Variants in OTOG observed in about 807,000 individuals in gnomAD.
OTOG encodes the protein otogelin.
OTOG carries 296 observed loss-of-function variants against 313.8 expected under a neutral mutation model. The observed-to-expected ratio is 0.94, with a 90% CI of 0.86 to 1.04. The LOEUF is 1.04. OTOG is among the 50% of genes least tolerant of loss of function. The pLI is 0.00. For missense variants in OTOG, 3,948 were observed against 3,840.1 expected (o/e 1.03, Z -0.74); for synonymous variants, 1,533 against 1,554.9 (o/e 0.99, Z 0.33).
At chr11:17,629,460 C>T (rs1854063973) in intron 40 of OTOG, 144 bp downstream of exon 40, 1 of 985,046 alleles carries the variant, frequency 1.0e-6, no homozygotes, top group African/African-American at 1.6e-5. Context: ...GCAGGGAGGC[C>T]TAACGTCTTG....
rs533032238 is a variant in OTOG, at chr11:17,563,007, G to A, written c.1644+1200G>A. On this transcript the variant is annotated intron_variant, in intron 15 of 55. Coordinates refer to ENST00000399397, the MANE Select transcript of OTOG (RefSeq NM_001292063.2). Reference sequence around the variant, plus strand: ...TGGAGGGCACAGGGTGGATCTCTACGGGGGAACTTCTTGTTGTTGTTGTTT... The same window carrying A: ...TGGAGGGCACAGGGTGGATCTCTACAGGGGAACTTCTTGTTGTTGTTGTTT... 6.6e-5 allele frequency among the ~76,000 whole-genome samples: 10 copies of A among 152,288 alleles called. No individual in the cohort carries two copies. In the South Asian group the frequency reaches 1.7e-3, roughly 25 times the overall value.
In OTOG at chr11:17,594,076, T is replaced by C. The variant is rs1157792711; in HGVS notation, c.3318T>C (p.Phe1106=). The change falls in exon 28 of 56, where the codon TTT becomes TTC. Residue 1106 remains phenylalanine, a synonymous_variant. Coordinates refer to ENST00000399397, the MANE Select transcript of OTOG (RefSeq NM_001292063.2). ...QGQLAGLCGN[F]DLKTINEMRT... ...AGCTGGCGGGCCTCTGTGGGAACTT[T>C]GACTTAAAAACCATCAATGAGATGA... 1 of 1,550,440 alleles carries C rather than the reference T, an allele frequency of 6.4e-7. No homozygotes were observed. Among genetic ancestry groups the C allele is most frequent in the Non-Finnish European group, 8.7e-7 (1 of 1,146,996 alleles).
At position 17,640,996 on chromosome 11, in the gene OTOG, T is replaced by C; in HGVS notation, c.8095T>C (p.Cys2699Arg). Residue 2699 changes from cysteine (C) to arginine (R), a missense_variant, in exon 51 of 56, where the codon TGC (cysteine) becomes CGC (arginine). Cys to Arg is a radical substitution (Grantham distance 180). Transcript: ENST00000399397. ...GGTGGAGCTCTCAGCAGATGGCGTGTGCCACACCTCCCGCTGCACCACCGT... is the reference window on the plus strand; with the variant it reads ...GGTGGAGCTCTCAGCAGATGGCGTGCGCCACACCTCCCGCTGCACCACCGT... ...TVVELSADGV[C>R]HTSRCTTVLD... 6.5e-7 allele frequency: 1 copy of C among 1,548,558 alleles called. No individual in the cohort carries two copies. Among genetic ancestry groups the C allele is most frequent in the Non-Finnish European group, 8.7e-7 (1 of 1,146,976 alleles).
In OTOG at chr11:17,633,767, C is replaced by G; in HGVS notation, c.7160C>G (p.Pro2387Arg). 1 of 1,550,520 alleles carries G rather than the reference C, an allele frequency of 6.4e-7. No homozygotes were observed. The highest frequency in any genetic ancestry group is 8.7e-7 in the Non-Finnish European group (1 of 1,146,972). The change falls in exon 43 of 56, where the codon CCT becomes CGT. Residue 2387 changes from proline (P) to arginine (R), a missense_variant. By Grantham distance (103) the Pro-to-Arg change is moderately radical. Coordinates refer to ENST00000399397, the MANE Select transcript of OTOG (RefSeq NM_001292063.2). Reference protein sequence around the residue: ...PKTCQDGILGPLDPEHCQVLG... With the variant: ...PKTCQDGILGRLDPEHCQVLG... Reference sequence around the variant, plus strand: ...ACATGCCAGGATGGGATACTAGGGCCTCTGGACCCAGAGCACTGCCAGGTG... The same window carrying G: ...ACATGCCAGGATGGGATACTAGGGCGTCTGGACCCAGAGCACTGCCAGGTG...
At chr11:17,553,344 G>A in intron 5 of OTOG, 21 bp from the exon 6 acceptor site, 1 of 1,471,006 alleles carries the variant, frequency 6.8e-7, no homozygotes, top group Non-Finnish European at 9.0e-7. Context: ...ACACAGAGAG[G>A]TTCTCTTTTC....
intron 30 of OTOG, among the ~76,000 whole-genome samples, chr11:17,597,414 G>A (rs1232836815): frequency 6.6e-6 from 1 of 152,208 alleles, no homozygotes; most frequent in East Asian, 1.9e-4. Context: ...TGTGTGAGAA[G>A]CAGGAATAGA....
chr11:17,629,329 C>A lies in OTOG; in HGVS notation c.6712+13C>A. The A allele has an allele frequency of 1.3e-6, 2 of 1,541,442 alleles. No individual in the cohort carries two copies. Among genetic ancestry groups the A allele is most frequent in the Non-Finnish European group, 1.8e-6 (2 of 1,141,970 alleles). On this transcript the variant is annotated intron_variant, in intron 40 of 55. Coordinates refer to ENST00000399397, the MANE Select transcript of OTOG (RefSeq NM_001292063.2). ...CATGGCCTGTGCGGTGAGGTGGAACCCAGCTTGCGGGGAGGGGATGCTTCC... is the reference window on the plus strand; with the variant it reads ...CATGGCCTGTGCGGTGAGGTGGAACACAGCTTGCGGGGAGGGGATGCTTCC...
chr11:17,633,728 G>A lies in OTOG; in HGVS notation c.7121G>A (p.Cys2374Tyr), dbSNP rs1017790030. Residue 2374 changes from cysteine to tyrosine, a missense_variant, in exon 43 of 56, where the codon TGT becomes TAT. Physicochemically the swap from Cys to Tyr is radical, Grantham distance 194. Transcript: ENST00000399397. ...DSTYQACVTA[C>Y]EPPKTCQDGI... ...ACATACCAGGCATGTGTGACAGCCT[G>A]TGAGCCACCCAAGACATGCCAGGAT... 3.2e-6 allele frequency: 5 copies of A among 1,549,876 alleles called. No homozygotes were observed. Among genetic ancestry groups the A allele is most frequent in the African/African-American group, 1.4e-5 (1 of 73,030 alleles).
At chr11:17,644,146 T>A (rs908829767) in intron 54 of OTOG, among the ~76,000 whole-genome samples, 24 of 152,264 alleles carry the variant, frequency 1.6e-4, no homozygotes, top group Non-Finnish European at 7.3e-5. Flanking sequence ...GGTAGTGAGC[T>A]GTATCCCCTG....
At chr11:17,627,580 TG>T (rs1412797054) in intron 39 of OTOG, among the ~76,000 whole-genome samples, 1 of 152,210 alleles carries the variant, frequency 6.6e-6, no homozygotes, top group African/African-American at 2.4e-5. Flanking sequence ...GTCTGGTTTT[TG>T]TATCAGAGTA....
rs911133343 is a variant in OTOG at position 17,631,881 on chromosome 11, C to T, written c.6892C>T (p.Arg2298Cys). The T allele has an allele frequency of 3.9e-5, 60 of 1,550,354 alleles. No homozygotes were observed. The Middle Eastern group carries it at 5.0e-4, about 13-fold the overall frequency. Residue 2298 changes from arginine (R) to cysteine (C), a missense_variant, in exon 41 of 56, where the codon CGC (arginine) becomes TGC (cysteine). Transcript: ENST00000399397. ...CACAACTGACTGCTCGCCCTGCCTT[C>T]GCATGGTGTCCAACCGCACCTTCAG... ...CATTDCSPCL[R>C]MVSNRTFSAC...
intron 11 of OTOG, 124 bp downstream of exon 11, chr11:17,559,285 A>T: frequency 1.0e-6 from 1 of 975,012 alleles, no homozygotes; most frequent in Non-Finnish European, 1.5e-6. Context: ...CCGAGGTTTT[A>T]TCGCCATGAG....
chr11:17,554,843 C>A (rs558547169), intron 6 of OTOG, among the ~76,000 whole-genome samples: 145 of 152,238 alleles, frequency 9.5e-4, no homozygotes, highest in African/African-American at 3.4e-3. Flanking sequence ...CGAATCACAA[C>A]CATCATTAAA....
At chr11:17,547,666 G>A (rs1348413197) in intron 1 of OTOG, 200 bp downstream of exon 1, 2 of 1,033,932 alleles carry the variant, frequency 1.9e-6, no homozygotes, top group African/African-American at 1.7e-5. Flanking sequence ...GGGGGAAAGA[G>A]TCCAAAGTTA....
intron 23 of OTOG, among the ~76,000 whole-genome samples, chr11:17,585,623 A>G (rs964675814): frequency 6.6e-6 from 1 of 152,188 alleles, no homozygotes; most frequent in Non-Finnish European, 1.5e-5. Flanking sequence ...TGACCTGGAT[A>G]TGCTGGCCAC....
At chr11:17,615,107 T>A (rs1853688691) in intron 39 of OTOG, among the ~76,000 whole-genome samples, 2 of 152,250 alleles carry the variant, frequency 1.3e-5, no homozygotes, top group Non-Finnish European at 2.9e-5. Context: ...TGCGTTTTTC[T>A]GCTTACTGAT....
At chr11:17,580,397 T>A in intron 23 of OTOG, among the ~76,000 whole-genome samples, 1 of 152,382 alleles carries the variant, frequency 6.6e-6, no homozygotes, top group South Asian at 2.1e-4. Flanking sequence ...TTTCTTCTCA[T>A]CTGGATCCCA....
At chr11:17,595,021 C>T (rs533620813) in intron 28 of OTOG, among the ~76,000 whole-genome samples, 1 of 152,324 alleles carries the variant, frequency 6.6e-6, no homozygotes, top group East Asian at 1.9e-4. Flanking sequence ...ATGAGCGTTA[C>T]ATATTTGCCT....
Position 17,557,219 on chromosome 11 carries a change from C to A in OTOG, c.761C>A (p.Ala254Asp), listed in dbSNP as rs1852075441. 3 of 1,550,608 alleles carry A rather than the reference C, an allele frequency of 1.9e-6. 1 individual carries two copies. The Middle Eastern group carries it at 5.0e-4, about 259-fold the overall frequency. Residue 254 changes from alanine to aspartate, a missense_variant, in exon 8 of 56, where the codon GCC (alanine) becomes GAC (aspartate). Coordinates refer to ENST00000399397, the MANE Select transcript of OTOG (RefSeq NM_001292063.2). ...GCCTTCACACTGGCCTGGGATGGTG[C>A]CTCGGCTGTCTACATCAAGATGAGT... The part of the protein sequence containing the change: ...QSAFTLAWDG[A>D]SAVYIKMSPE...
Sources: gnomAD v4.1 joint callset for allele counts (sites outside exome capture counted in the v4.1 genomes callset) on GRCh38, gnomAD v4.1.1 for gene constraint, MANE v1.5 for transcripts, NCBI Gene and HGNC (gene_info 2026-07-23, HGNC 2026-07-21) for gene names.